ORC4: variants seen among roughly 807,000 people sequenced by gnomAD.
ORC4 encodes origin recognition complex subunit 4.
ORC4 carries 55 observed loss-of-function variants against 63.9 expected under a neutral mutation model. That is an observed-to-expected ratio of 0.86 (90% CI 0.69 to 1.08). The LOEUF is 1.08. ORC4 is among the 50% of genes least tolerant of loss of function. The probability of loss-of-function intolerance (pLI) is 0.00; values close to 1 mark genes in which losing one functional copy is unlikely to be tolerated. For missense variants in ORC4, 511 were observed against 504.4 expected (o/e 1.01, Z -0.13); for synonymous variants, 150 against 168.5 (o/e 0.89, Z 0.85).
chr2:147,942,834 CAA>C (rs1688439615), intron 10 of ORC4, among the ~76,000 whole-genome samples: 1 of 151,394 alleles, frequency 6.6e-6, no homozygotes, highest in Admixed American at 6.6e-5. Flanking sequence ...TGGTCTACAT[CAA>C]AAGTCCCAAG....
intron 1 of ORC4, among the ~76,000 whole-genome samples, chr2:148,020,142 TCCTTCCC>T (rs996812235): frequency 1.3e-5 from 2 of 152,082 alleles, no homozygotes; most frequent in African/African-American, 4.8e-5. Context: ...CCCTGCCTGC[TCCTTCCC>T]CAAAGCCACT....
At chr2:147,975,997 T>C (rs550311606) in intron 1 of ORC4, 22 bp from the exon 2 acceptor site, 2 of 1,146,486 alleles carry the variant, frequency 1.7e-6, no homozygotes, top group Non-Finnish European at 2.7e-6. Flanking sequence ...TTGGCATAAA[T>C]ATTATAAACG....
intron 8 of ORC4, 146 bp downstream of exon 8, chr2:147,952,227 G>A (rs1688994811): frequency 1.6e-6 from 1 of 612,076 alleles, no homozygotes; most frequent in Non-Finnish European, 2.9e-6. Flanking sequence ...CTCAATTTGA[G>A]TTGAAAGCAG....
intron 4 of ORC4, among the ~76,000 whole-genome samples, chr2:147,969,725 GAAAAA>G (rs1006453173): frequency 1.7e-4 from 26 of 151,704 alleles, no homozygotes; most frequent in Admixed American, 2.6e-4. Context: ...CTAATCATAA[GAAAAA>G]ATGAAAGAAT....
At chr2:148,005,611 G>A (rs1432143041) in intron 1 of ORC4, among the ~76,000 whole-genome samples, 2 of 132,464 alleles carry the variant, frequency 1.5e-5, no homozygotes, top group African/African-American at 5.8e-5. Context: ...GAATCCCCCA[G>A]GAATCATCCC....
intron 4 of ORC4, among the ~76,000 whole-genome samples, chr2:147,968,290 A>T (rs1437834187): frequency 6.6e-6 from 1 of 152,124 alleles, no homozygotes; most frequent in Non-Finnish European, 1.5e-5. Context: ...AAATAGACAA[A>T]TCTGCTAACA....
chr2:147,957,869 T>A (rs1403707222), intron 6 of ORC4, among the ~76,000 whole-genome samples: 1 of 152,162 alleles, frequency 6.6e-6, no homozygotes, highest in African/African-American at 2.4e-5. Flanking sequence ...TTGTAAGGCA[T>A]GACTGAAACC....
At chr2:147,952,346 A>T in intron 8 of ORC4, 27 bp downstream of exon 8, 1 of 1,512,804 alleles carries the variant, frequency 6.6e-7, no homozygotes, top group Non-Finnish European at 9.1e-7. Context: ...ATTATAATCA[A>T]TTTTTTTAAT....
intron 1 of ORC4, among the ~76,000 whole-genome samples, chr2:148,006,317 G>C (rs964118716): frequency 1.3e-5 from 2 of 151,896 alleles, no homozygotes; most frequent in Non-Finnish European, 1.5e-5. Context: ...CTCCCCCCAA[G>C]GAGAGTAATT....
intron 1 of ORC4, among the ~76,000 whole-genome samples, chr2:147,980,843 C>T (rs942369252): frequency 1.3e-5 from 2 of 151,970 alleles, no homozygotes; most frequent in Admixed American, 6.6e-5. Context: ...ATTACATGAC[C>T]GGTAATCCCA....
At chr2:147,973,385 T>C in intron 3 of ORC4, 63 bp downstream of exon 3, 1 of 942,900 alleles carries the variant, frequency 1.1e-6, no homozygotes, top group Non-Finnish European at 1.8e-6. Flanking sequence ...ACAATAATTT[T>C]TGCAAAACCT....
intron 1 of ORC4, among the ~76,000 whole-genome samples, chr2:147,994,177 T>C (rs1271577617): frequency 6.6e-6 from 1 of 152,208 alleles, no homozygotes; most frequent in Non-Finnish European, 1.5e-5. Flanking sequence ...AAGATCTCTA[T>C]GAGGATCACT....
At chr2:148,001,070 C>T (rs940098348) in intron 1 of ORC4, among the ~76,000 whole-genome samples, 5 of 152,078 alleles carry the variant, frequency 3.3e-5, no homozygotes, top group African/African-American at 1.2e-4. Context: ...GGGGTAGTGA[C>T]AGCTACCTTG....
chr2:147,995,528 T>C (rs1691910641), intron 1 of ORC4, among the ~76,000 whole-genome samples: 1 of 152,146 alleles, frequency 6.6e-6, no homozygotes, highest in Admixed American at 6.5e-5. Context: ...ACAATAGATC[T>C]TGCTGCTGCT....
At chr2:147,939,622 T>C (rs908999814) in intron 10 of ORC4, among the ~76,000 whole-genome samples, 2 of 152,140 alleles carry the variant, frequency 1.3e-5, no homozygotes, top group Non-Finnish European at 2.9e-5. Flanking sequence ...ACGCCTTACT[T>C]GTTAACTTTT....
chr2:148,001,997 TAA>T (rs1003298679), intron 1 of ORC4, among the ~76,000 whole-genome samples: 5 of 151,790 alleles, frequency 3.3e-5, no homozygotes, highest in Admixed American at 2.6e-4. Flanking sequence ...CCAACAAAGA[TAA>T]AAAAAGACAA....
At chr2:148,009,486 G>A (rs1692823020) in intron 1 of ORC4, among the ~76,000 whole-genome samples, 1 of 151,950 alleles carries the variant, frequency 6.6e-6, no homozygotes, top group African/African-American at 2.4e-5. Context: ...AGAAAAAAAG[G>A]TTATCATATA....
chr2:147,999,322 G>A (rs1692163712), intron 1 of ORC4, among the ~76,000 whole-genome samples: 1 of 152,262 alleles, frequency 6.6e-6, no homozygotes, highest in Non-Finnish European at 1.5e-5. Context: ...AGGGGGAGGA[G>A]AGGATTAAGA....
At chr2:148,003,202 A>C (rs1438456561) in intron 1 of ORC4, among the ~76,000 whole-genome samples, 1 of 152,232 alleles carries the variant, frequency 6.6e-6, no homozygotes, top group Non-Finnish European at 1.5e-5. Context: ...AGCTGGTACC[A>C]TTCCTTCTGA....
Sources: gnomAD v4.1 joint callset for allele counts (sites outside exome capture counted in the v4.1 genomes callset) on GRCh38, gnomAD v4.1.1 for gene constraint, MANE v1.5 for transcripts, NCBI Gene and HGNC (gene_info 2026-07-23, HGNC 2026-07-21) for gene names.